Variants in LIG4 observed in about 807,000 individuals in gnomAD.
The protein encoded by LIG4 is DNA ligase 4.
In LIG4, 13 loss-of-function variants were observed where a neutral mutation model predicts 19.0. That is an observed-to-expected ratio of 0.68 (90% CI 0.44 to 1.09). LIG4 has a LOEUF of 1.09. Among genes scored for constraint, LIG4 ranks in the 50% least tolerant of loss-of-function variants. LIG4 has a pLI of 0.00. For missense variants in LIG4, 1,026 were observed against 1,089.7 expected (o/e 0.94, Z 0.82); for synonymous variants, 361 against 358.2 (o/e 1.01, Z -0.09).
rs1216940721 is a variant in LIG4, at chr13:108,210,786, AG to A, written c.482del (p.Ala161ValfsTer6). Reference sequence around the variant, plus strand: ...TCTTTTTTATTAGGTCTTTTCTTTTAGCAGAATTATTGCTGGCAATTGAGTC... The same window carrying A: ...TCTTTTTTATTAGGTCTTTTCTTTTACAGAATTATTGCTGGCAATTGAGTC... Reference protein sequence around the residue: ...LLDSIASNNSAKRKDLIKKSL... With the variant: ...LLDSIASNNSXKRKDLIKKSL... On this transcript the variant is annotated frameshift_variant, in exon 3 of 3. Transcript: ENST00000442234. LOFTEE classifies it high-confidence loss of function. The A allele has an allele frequency of 1.2e-6, 2 of 1,614,002 alleles. No homozygotes were observed. The highest frequency in any genetic ancestry group is 1.7e-6 in the Non-Finnish European group (2 of 1,179,958).
chr13:108,209,387 GCTT>G lies in LIG4; in HGVS notation c.1879_1881del (p.Lys627del). The G allele has an allele frequency of 6.2e-7, 1 of 1,614,032 alleles. No individual in the cohort carries two copies. On this transcript the variant is annotated inframe_deletion, in exon 3 of 3. Transcript: ENST00000442234. ...TTCTTCATCTTTGGGGCAGCTTTCCGCTTTTTTTCTTGTGGTTCATCATCACCA... is the reference window on the plus strand; with the variant it reads ...TTCTTCATCTTTGGGGCAGCTTTCCGTTTTTCTTGTGGTTCATCATCACCA...
chr13:108,208,862 A>C lies in LIG4; in HGVS notation c.2407T>G (p.Tyr803Asp), dbSNP rs1594454419. The C allele has an allele frequency of 6.2e-7, 1 of 1,614,126 alleles. No individual in the cohort carries two copies. The highest frequency in any genetic ancestry group is 2.2e-5 in the East Asian group (1 of 44,874). Residue 803 changes from tyrosine (Y) to aspartate (D), a missense_variant, in exon 3 of 3, where the codon TAT (tyrosine) becomes GAT (aspartate). Tyr to Asp is a radical substitution (Grantham distance 160, BLOSUM62 -3). This residue lies in a region of LIG4 where 521 missense variants were observed against 515.5 expected (regional missense o/e 1.01). Transcript: ENST00000442234. ...CTGAGAGGAGAGCAATCCCAGGAAT[A>C]CCGATATTCTAAATCAGCAATCAGA... ...ASLIADLEYRYSWDCSPLSMF... is the reference protein window; with the variant it reads ...ASLIADLEYRDSWDCSPLSMF...
At position 108,210,668 on chromosome 13, in the gene LIG4, G is replaced by T; in HGVS notation, c.601C>A (p.Gln201Lys). Reference protein sequence around the residue: ...IKDLKLGVSQQTIFSVFHNDA... With the variant: ...IKDLKLGVSQKTIFSVFHNDA... ...TTATGAAAAACAGAAAAGATAGTTT[G>T]CTGACTAACACCAAGCTTTAAATCC... The change falls in exon 3 of 3, where the codon CAA (glutamine) becomes AAA (lysine). Residue 201 changes from glutamine to lysine, a missense_variant. Physicochemically the swap from Gln to Lys is moderately conservative, Grantham distance 53. Transcript: ENST00000442234. 6.2e-7 allele frequency: 1 copy of T among 1,613,780 alleles called. No individual in the cohort carries two copies.
At position 108,210,255 on chromosome 13, in the gene LIG4, A is replaced by T; in HGVS notation, c.1014T>A (p.Asn338Lys). The change falls in exon 3 of 3, where the codon AAT (asparagine) becomes AAA (lysine). Residue 338 changes from asparagine (N) to lysine (K), a missense_variant. Transcript: ENST00000442234. ...TTCCCTTTTGCATGAAAGTTTGTGT[A>T]TTAGGATTATAGGCCATCATCTCAC... ...LDGEMMAYNPNTQTFMQKGTK... is the reference protein window; with the variant it reads ...LDGEMMAYNPKTQTFMQKGTK... 3 of 1,613,884 alleles carry T rather than the reference A, an allele frequency of 1.9e-6. No individual in the cohort carries two copies. Among genetic ancestry groups the T allele is most frequent in the Non-Finnish European group, 2.5e-6 (3 of 1,179,878 alleles).
Position 108,209,791 on chromosome 13 carries a change from G to A in LIG4, c.1478C>T (p.Pro493Leu). 6.2e-7 allele frequency: 1 copy of A among 1,614,124 alleles called. No homozygotes were observed. Among genetic ancestry groups the A allele is most frequent in the Non-Finnish European group, 8.5e-7 (1 of 1,180,018 alleles). Residue 493 changes from proline to leucine, a missense_variant, in exon 3 of 3, where the codon CCT (proline) becomes CTT (leucine). Transcript: ENST00000442234. ...FLCAVAEKPPPGEKPSVFHTL... is the reference protein window; with the variant it reads ...FLCAVAEKPPLGEKPSVFHTL... Reference sequence around the variant, plus strand: ...ATGAAACACAGATGGCTTCTCACCAGGAGGGGGCTTCTCTGCTACTGCACA... The same window carrying A: ...ATGAAACACAGATGGCTTCTCACCAAGAGGGGGCTTCTCTGCTACTGCACA...
intron 2 of LIG4, among the ~76,000 whole-genome samples, chr13:108,212,751 T>C (rs557115725): frequency 1.7e-4 from 25 of 151,492 alleles, no homozygotes; most frequent in Non-Finnish European, 3.1e-4. Context: ...AATGGCTAAT[T>C]ACAATACTAC....
Position 108,209,337 on chromosome 13 carries a change from T to G in LIG4, c.1932A>C (p.Leu644Phe), listed in dbSNP as rs2138970296. 6.2e-7 allele frequency: 1 copy of G among 1,614,162 alleles called. No individual in the cohort carries two copies. The highest frequency in any genetic ancestry group is 8.5e-7 in the Non-Finnish European group (1 of 1,179,998). Residue 644 changes from leucine to phenylalanine, a missense_variant, in exon 3 of 3, where the codon TTA (leucine) becomes TTC (phenylalanine). Leu to Phe is a conservative substitution (Grantham distance 22, BLOSUM62 0). This residue lies in a region of LIG4 where 521 missense variants were observed against 515.5 expected (regional missense o/e 1.01). Coordinates refer to ENST00000442234, the MANE Select transcript of LIG4 (RefSeq NM_206937.2). ...TAACGTTAGTAAGGTTAGGTGCTTT[T>G]AAGTGCTCAATAATTCCAATAACTT... ...MKKVIGIIEH[L>F]KAPNLTNVNK...
At position 108,209,478 on chromosome 13, in the gene LIG4, G is replaced by T. The variant is rs144253952; in HGVS notation, c.1791C>A (p.Asp597Glu). The T allele has an allele frequency of 1.2e-6, 2 of 1,614,052 alleles. No individual in the cohort carries two copies. Among genetic ancestry groups the T allele is most frequent in the Non-Finnish European group, 1.7e-6 (2 of 1,180,014 alleles). ...DKEWHECMTL[D>E]DLEQLRGKAS... ...CCTTCCCCCTAAGTTGTTCTAGGTC[G>T]TCCAGGGTCATGCACTCATGCCACT... Residue 597 changes from aspartate (D) to glutamate (E), a missense_variant, in exon 3 of 3, where the codon GAC becomes GAA. Asp to Glu is a conservative substitution (Grantham distance 45). Coordinates refer to ENST00000442234, the MANE Select transcript of LIG4 (RefSeq NM_206937.2).
rs1262844792 is a variant in LIG4, at chr13:108,209,381, C to T, written c.1888G>A (p.Ala630Thr). ...DDEPQEKKRK[A>T]APKMKKVIGI... Reference sequence around the variant, plus strand: ...ATAACTTTCTTCATCTTTGGGGCAGCTTTCCGCTTTTTTTCTTGTGGTTCA... The same window carrying T: ...ATAACTTTCTTCATCTTTGGGGCAGTTTTCCGCTTTTTTTCTTGTGGTTCA... Residue 630 changes from alanine (A) to threonine (T), a missense_variant, in exon 3 of 3, where the codon GCT (alanine) becomes ACT (threonine). Ala to Thr is a moderately conservative substitution (Grantham distance 58, BLOSUM62 0). Around this residue, in one of 3 missense-constraint regions of LIG4, gnomAD observed 521 missense variants for 515.5 expected, o/e 1.01. Coordinates refer to ENST00000442234, the MANE Select transcript of LIG4 (RefSeq NM_206937.2). 1.2e-6 allele frequency: 2 copies of T among 1,613,978 alleles called. No homozygotes were observed. Among genetic ancestry groups the T allele is most frequent in the African/African-American group, 2.7e-5 (2 of 74,896 alleles).
At chr13:108,215,961 C>A (rs1879268163), upstream of LIG4, among the ~76,000 whole-genome samples, 2 of 151,764 alleles carry the variant, frequency 1.3e-5, no homozygotes, top group Admixed American at 6.6e-5. Flanking sequence ...AAAAAATAGG[C>A]TTTTGCAAAC....
At chr13:108,214,897 G>A (rs1302113692) in intron 1 of LIG4, 1 of 36,002 alleles carries the variant, frequency 2.8e-5, no homozygotes, top group Non-Finnish European at 5.2e-5. Flanking sequence ...CAGGCCCCCC[G>A]CCTGACGTCC....
intron 2 of LIG4, among the ~76,000 whole-genome samples, chr13:108,213,989 A>G (rs890637924): frequency 6.6e-6 from 1 of 152,242 alleles, no homozygotes; most frequent in Non-Finnish European, 1.5e-5. Context: ...TTCACTCTTT[A>G]ACAATAAGCA....
At position 108,209,424 on chromosome 13, in the gene LIG4, A is replaced by T; in HGVS notation, c.1845T>A (p.Leu615=). 6.2e-7 allele frequency: 1 copy of T among 1,614,040 alleles called. No homozygotes were observed. The highest frequency in any genetic ancestry group is 8.5e-7 in the Non-Finnish European group (1 of 1,180,008). ...GTGGTTCATCATCACCACCTATATA[A>T]AGGTGTTTAGATGCGAGCTTACCAG... ...KASGKLASKH[L]YIGGDDEPQE... The change falls in exon 3 of 3, where the codon CTT becomes CTA. Residue 615 remains leucine (L), a synonymous_variant. Transcript: ENST00000442234.
intron 2 of LIG4, 62 bp from the exon 3 acceptor site, chr13:108,211,358 T>G: frequency 1.1e-6 from 1 of 942,548 alleles, no homozygotes. Flanking sequence ...ATATTTAATG[T>G]AAAGATCTTA....
intron 2 of LIG4, 61 bp downstream of exon 2, chr13:108,214,477 A>C (rs1049619576): frequency 1.3e-5 from 2 of 152,140 alleles, no homozygotes; most frequent in African/African-American, 4.8e-5. Flanking sequence ...AGGAGTCTAC[A>C]TCATTCCTCT....
chr13:108,210,810 G>A lies in LIG4; in HGVS notation c.459C>T (p.Asp153=). ...TAGCAGAATTATTGCTGGCAATTGA[G>A]TCTAAAAGGTCGTTTACTTGCTGTA... ...LTIQQVNDLL[D]SIASNNSAKR... The change falls in exon 3 of 3, where the codon GAC becomes GAT. Residue 153 remains aspartate (D), a synonymous_variant. Transcript: ENST00000442234. The A allele has an allele frequency of 1.2e-6, 2 of 1,613,864 alleles. No homozygotes were observed. The highest frequency in any genetic ancestry group is 1.3e-5 in the African/African-American group (1 of 75,000).
Position 108,208,624 on chromosome 13 carries a change from A to G in LIG4, c.2645T>C (p.Phe882Ser), listed in dbSNP as rs773300788. 14 of 1,613,288 alleles carry G rather than the reference A, an allele frequency of 8.7e-6. No homozygotes were observed. The highest frequency in any genetic ancestry group is 3.3e-4 in the Middle Eastern group (2 of 6,060). Reference sequence around the variant, plus strand: ...TTTTAGGATTTTAAACTTTCTCTTAAAAGTTCTTCTAAAAGCTTTAAAATC... The same window carrying G: ...TTTTAGGATTTTAAACTTTCTCTTAGAAGTTCTTCTAAAAGCTTTAAAATC... The part of the protein sequence containing the change: ...VADFKAFRRT[F>S]KRKFKILKES... Residue 882 changes from phenylalanine (F) to serine (S), a missense_variant, in exon 3 of 3, where the codon TTT becomes TCT. By Grantham distance (155) the Phe-to-Ser change is radical (BLOSUM62 -2). Coordinates refer to ENST00000442234, the MANE Select transcript of LIG4 (RefSeq NM_206937.2).
rs1422541942 is a variant in LIG4 at position 108,209,811 on chromosome 13, T to C, written c.1458A>G (p.Ala486=). 8.7e-6 allele frequency: 14 copies of C among 1,614,056 alleles called. No individual in the cohort carries two copies. The highest frequency in any genetic ancestry group is 1.2e-5 in the Non-Finnish European group (14 of 1,180,020). Residue 486 remains alanine (A), a synonymous_variant, in exon 3 of 3, where the codon GCA becomes GCG. Transcript: ENST00000442234. ...RGGMMSHFLC[A]VAEKPPPGEK... is the part of the protein sequence containing the mutation. ...CACCAGGAGGGGGCTTCTCTGCTAC[T>C]GCACACAGAAAATGAGACATCATTC...
In LIG4 at chr13:108,210,852, C is replaced by T; in HGVS notation, c.417G>A (p.Gln139=). 7 of 1,614,020 alleles carry T rather than the reference C, an allele frequency of 4.3e-6. No homozygotes were observed. The highest frequency in any genetic ancestry group is 5.9e-6 in the Non-Finnish European group (7 of 1,179,972). ...CTTGCTGTATGGTTAAACTTCCTTT[C>T]TGTAAACATCTTGGCTTCAACACAA... is the stretch of plus-strand genomic sequence containing the variant. ...AYFVLKPRCL[Q]KGSLTIQQVN... Residue 139 remains glutamine, a synonymous_variant, in exon 3 of 3, where the codon CAG becomes CAA. Coordinates refer to ENST00000442234, the MANE Select transcript of LIG4 (RefSeq NM_206937.2).
Sources: gnomAD v4.1 joint callset for allele counts (sites outside exome capture counted in the v4.1 genomes callset) on GRCh38, gnomAD v4.1.1 for gene constraint, gnomAD v4.1.1 regional missense constraint, MANE v1.5 for transcripts, NCBI Gene and HGNC (gene_info 2026-07-23, HGNC 2026-07-21) for gene names.